Variants in ARHGAP19 observed in about 807,000 individuals in gnomAD.
ARHGAP19 encodes Rho GTPase activating protein 19, also known as rho GTPase-activating protein 19.
A neutral mutation model predicts 60.9 loss-of-function variants in ARHGAP19; 48 were observed. That is an observed-to-expected ratio of 0.79 (90% CI 0.62 to 1.00). The LOEUF (loss-of-function observed/expected upper bound fraction) is 1.00. Among genes scored for constraint, ARHGAP19 ranks in the 50% least tolerant of loss-of-function variants. The pLI is 0.00. For synonymous variants in ARHGAP19, 209 were observed against 215.5 expected, an observed-to-expected ratio of 0.97 and a Z score of 0.27; for missense variants, 562 against 597.2, an observed-to-expected ratio of 0.94 and a Z score of 0.61.
intron 8 of ARHGAP19, among the ~76,000 whole-genome samples, chr10:97,243,563 C>T (rs1328937813): frequency 6.6e-6 from 1 of 152,234 alleles, no homozygotes; most frequent in Non-Finnish European, 1.5e-5. Flanking sequence ...CCACTCTACA[C>T]AGATTATCTC....
intron 4 of ARHGAP19, among the ~76,000 whole-genome samples, chr10:97,262,124 G>A (rs1385030776): frequency 6.6e-6 from 1 of 151,798 alleles, no homozygotes; most frequent in African/African-American, 2.4e-5. Context: ...GACTGAGGAG[G>A]GAGGATCACT....
chr10:97,286,662 G>A (rs1000702536), intron 1 of ARHGAP19, among the ~76,000 whole-genome samples: 3 of 152,168 alleles, frequency 2.0e-5, no homozygotes, highest in African/African-American at 7.2e-5. Context: ...AAATTAACAA[G>A]ACATAGAACC....
intron 5 of ARHGAP19, 100 bp downstream of exon 5, chr10:97,259,302 C>G (rs949930996): frequency 2.3e-5 from 22 of 972,220 alleles, no homozygotes; most frequent in Middle Eastern, 2.1e-4. Flanking sequence ...AAGCTGAAGG[C>G]TAGACCTTGG....
At chr10:97,248,181 A>G (rs1419410108) in intron 6 of ARHGAP19, among the ~76,000 whole-genome samples, 1 of 152,104 alleles carries the variant, frequency 6.6e-6, no homozygotes, top group Non-Finnish European at 1.5e-5. Flanking sequence ...TTGGGAGGCC[A>G]AAGCGGGTAG....
At position 97,232,195 on chromosome 10, in the gene ARHGAP19, G is replaced by A. The variant is rs1230178947; in HGVS notation, c.1285-2321C>T. 1.3e-4 allele frequency among the ~76,000 whole-genome samples: 15 copies of A among 114,792 alleles called. No individual in the cohort carries two copies. In the Admixed American group the frequency reaches 1.6e-3, roughly 13 times the overall value. The allele number at this position is 114,792 out of a possible 152,430, so 75.3% of individuals were successfully genotyped here. On this transcript the variant is annotated intron_variant, in intron 9 of 11. Coordinates refer to ENST00000358531, the MANE Select transcript of ARHGAP19 (RefSeq NM_032900.6). Reference sequence around the variant, plus strand: ...TTTTTTTTTTTTGAGACAGAGTCTCGCTCTGTCACCCAGGCTGGAGTACAG... The same window carrying A: ...TTTTTTTTTTTTGAGACAGAGTCTCACTCTGTCACCCAGGCTGGAGTACAG...
intron 1 of ARHGAP19, among the ~76,000 whole-genome samples, chr10:97,268,830 C>T (rs368505242): frequency 2.6e-4 from 40 of 152,114 alleles, no homozygotes; most frequent in African/African-American, 8.7e-4. Flanking sequence ...CCATATCAAC[C>T]CCTTTTTACT....
chr10:97,272,193 T>C (rs145776927), intron 1 of ARHGAP19, among the ~76,000 whole-genome samples: 66 of 136,182 alleles, frequency 4.8e-4, no homozygotes, highest in Non-Finnish European at 8.0e-4. Context: ...TGGAGTGCAG[T>C]GGCACGATCT....
intron 1 of ARHGAP19, among the ~76,000 whole-genome samples, chr10:97,287,540 G>A (rs1279354950): frequency 5.3e-5 from 8 of 151,758 alleles, no homozygotes; most frequent in Non-Finnish European, 1.0e-4. Flanking sequence ...CCAGGAGTTT[G>A]AGGCCCACCT....
chr10:97,249,545 C>G (rs1242727467), intron 6 of ARHGAP19, among the ~76,000 whole-genome samples: 1 of 152,064 alleles, frequency 6.6e-6, no homozygotes, highest in Non-Finnish European at 1.5e-5. Flanking sequence ...AACAATAAGA[C>G]AAACTTAGAA....
rs546056391 is a variant in ARHGAP19 at position 97,283,568 on chromosome 10, T to C, written c.56+9004A>G. Among the ~76,000 whole-genome samples, 4 of 151,052 alleles carry C rather than the reference T, an allele frequency of 2.6e-5. No individual in the cohort carries two copies. The East Asian group carries it at 5.8e-4, about 22-fold the overall frequency. On this transcript the variant is annotated intron_variant, in intron 1 of 11. Coordinates refer to ENST00000358531, the MANE Select transcript of ARHGAP19 (RefSeq NM_032900.6). ...GACTCTGTCTCAAAAAAAAAAAAAA[T>C]TGTATTTCAATCACTCTTTTGCTAT...
chr10:97,259,686 T>C, intron 4 of ARHGAP19, 58 bp from the exon 5 acceptor site: 1 of 1,275,454 alleles, frequency 7.8e-7, no homozygotes. Flanking sequence ...GAAAAATCAG[T>C]GCTATCACCA....
intron 5 of ARHGAP19, 72 bp from the exon 6 acceptor site, chr10:97,256,476 C>A: frequency 9.2e-7 from 1 of 1,089,476 alleles, no homozygotes; most frequent in South Asian, 1.3e-5. Flanking sequence ...TAAGCCTGTT[C>A]TTTCAAATGT....
chr10:97,269,675 TGCGTAGC>T (rs1030610431), intron 1 of ARHGAP19, among the ~76,000 whole-genome samples: 3 of 152,110 alleles, frequency 2.0e-5, no homozygotes, highest in Admixed American at 2.0e-4. Flanking sequence ...AATCATAAAA[TGCGTAGC>T]ACCAAAAAGA....
At chr10:97,286,419 C>T (rs2134929311) in intron 1 of ARHGAP19, among the ~76,000 whole-genome samples, 1 of 152,296 alleles carries the variant, frequency 6.6e-6, no homozygotes, top group East Asian at 1.9e-4. Flanking sequence ...TGATGAAACC[C>T]CATCTCTACT....
rs776225673 is a variant in ARHGAP19 at position 97,248,167 on chromosome 10, G to A, written c.928-1830C>T. On this transcript the variant is annotated intron_variant, in intron 6 of 11. Transcript: ENST00000358531. ...TTTTGTAGAGACGGGGTTTCACCCC[G>A]CCTTTGGGAGGCCAAAGCGGGTAGA... is the stretch of plus-strand genomic sequence containing the variant. Among the ~76,000 whole-genome samples, 7 of 152,032 alleles carry A rather than the reference G, an allele frequency of 4.6e-5. No homozygotes were observed. In the South Asian group the frequency reaches 8.3e-4, roughly 18 times the overall value.
chr10:97,244,422 T>C (rs1320381265), intron 7 of ARHGAP19, among the ~76,000 whole-genome samples: 1 of 152,136 alleles, frequency 6.6e-6, no homozygotes, highest in Non-Finnish European at 1.5e-5. Flanking sequence ...GTGTAAGAGT[T>C]TAGTTTTTAA....
At chr10:97,227,895 C>A (rs1390403009) in intron 11 of ARHGAP19, among the ~76,000 whole-genome samples, 2 of 152,170 alleles carry the variant, frequency 1.3e-5, no homozygotes, top group African/African-American at 4.8e-5. Context: ...TTCTTTCTTT[C>A]CAAGGTAGAG....
chr10:97,284,855 CTTTTTTT>C (rs768979699), intron 1 of ARHGAP19, among the ~76,000 whole-genome samples: 32 of 124,132 alleles, frequency 2.6e-4, no homozygotes, highest in African/African-American at 9.2e-4. Context: ...AAAGCATATA[CTTTTTTT>C]TTTTTTTTTT....
chr10:97,263,071 C>A (rs113823018), intron 4 of ARHGAP19, among the ~76,000 whole-genome samples: 1 of 152,178 alleles, frequency 6.6e-6, no homozygotes, highest in Non-Finnish European at 1.5e-5. Context: ...CAAGGTTGCA[C>A]CACTGCACTC....
Sources: gnomAD v4.1 joint callset for allele counts (sites outside exome capture counted in the v4.1 genomes callset) on GRCh38, gnomAD v4.1.1 for gene constraint, MANE v1.5 for transcripts, NCBI Gene and HGNC (gene_info 2026-07-23, HGNC 2026-07-21) for gene names.